Variants in LITAF observed in about 807,000 individuals in gnomAD.
The protein encoded by LITAF is lipopolysaccharide induced TNF factor.
In LITAF, 9 loss-of-function variants were observed where a neutral mutation model predicts 14.5. That is an observed-to-expected ratio of 0.62 (90% CI 0.37 to 1.08). LITAF has a LOEUF of 1.08. Ranked by LOEUF, LITAF falls within the 50% of genes least tolerant of loss-of-function variation. The probability of loss-of-function intolerance (pLI) is 0.01; values close to 1 mark genes in which losing one functional copy is unlikely to be tolerated. For synonymous variants in LITAF, 98 were observed against 88.2 expected (o/e 1.11, Z -0.62); for missense variants, 206 against 213.4 (o/e 0.97, Z 0.22).
At position 11,554,417 on chromosome 16, in the gene LITAF, G is replaced by A. The variant is rs1053932041; in HGVS notation, c.221-728C>T. On this transcript the variant is annotated intron_variant, in intron 2 of 3. Coordinates refer to ENST00000622633, the MANE Select transcript of LITAF (RefSeq NM_001136472.2). ...AAGCTAGTGAACTGTGTTGATACAA[G>A]AAATGAAAATATAAAATAATGCTAG... is the stretch of plus-strand genomic sequence containing the variant. Among the ~76,000 whole-genome samples the A allele has an allele frequency of 3.9e-5, 6 of 152,056 alleles. No individual in the cohort carries two copies. The South Asian group carries it at 1.0e-3, about 26-fold the overall frequency.
At chr16:11,630,007 T>C (rs2065108306) in intron 3 of LITAF, among the ~76,000 whole-genome samples, 1 of 152,180 alleles carries the variant, frequency 6.6e-6, no homozygotes, top group African/African-American at 2.4e-5. Flanking sequence ...TTCGGGTGCC[T>C]TCCTGGACTC....
intron 2 of LITAF, among the ~76,000 whole-genome samples, chr16:11,556,087 T>G (rs1047295172): frequency 6.6e-6 from 1 of 152,136 alleles, no homozygotes; most frequent in African/African-American, 2.4e-5. Flanking sequence ...GCATTGAGGG[T>G]GAGCTGGTAT....
At chr16:11,569,657 T>A (rs1362641618) in intron 1 of LITAF, among the ~76,000 whole-genome samples, 3 of 152,042 alleles carry the variant, frequency 2.0e-5, no homozygotes, top group Non-Finnish European at 4.4e-5. Flanking sequence ...AACACCCAAC[T>A]GTTACTCAGA....
At chr16:11,637,920 C>CTATA, upstream of LITAF, among the ~76,000 whole-genome samples, 1 of 30,092 alleles carries the variant, frequency 3.3e-5, no homozygotes, top group African/African-American at 1.8e-4. Flanking sequence ...ATATCTATAT[C>CTATA]TATATCTATA....
At chr16:11,599,560 T>C (rs545205020), upstream of LITAF, among the ~76,000 whole-genome samples, 1 of 152,164 alleles carries the variant, frequency 6.6e-6, no homozygotes, top group South Asian at 2.1e-4. Context: ...AGCTTCGTGA[T>C]AAGAAAATGG....
At chr16:11,619,038 C>T (rs1364236611) in intron 3 of LITAF, among the ~76,000 whole-genome samples, 1 of 149,104 alleles carries the variant, frequency 6.7e-6, no homozygotes, top group South Asian at 2.1e-4. Context: ...TGCCCGGGCA[C>T]GGTGGCTTAC....
At chr16:11,638,595 G>A (rs2065152239), upstream of LITAF, among the ~76,000 whole-genome samples, 1 of 151,476 alleles carries the variant, frequency 6.6e-6, no homozygotes, top group Admixed American at 6.6e-5. Flanking sequence ...CAGCTACTCA[G>A]GAGGCTGAGG....
rs1053195819 is a variant in LITAF at position 11,632,229 on chromosome 16, G to A, written c.85+1304C>T. Among the ~76,000 whole-genome samples the A allele has an allele frequency of 2.0e-5, 3 of 152,122 alleles. No individual in the cohort carries two copies. The highest frequency in any genetic ancestry group is 4.8e-5 in the African/African-American group (2 of 41,422). ...AAGTGCTGGGAGTTACGTCGTGGAC[G>A]TGTCTTTCGGGGAGGGGTCATTATC... On this transcript the variant is annotated intron_variant, in intron 3 of 3. Transcript: ENST00000574848. This position sits in a 1 kb window ranked among gnomAD's most constrained non-coding sequence, Gnocchi z 4.8.
intron 1 of LITAF, among the ~76,000 whole-genome samples, chr16:11,595,522 G>T (rs1231183247): frequency 6.6e-6 from 1 of 152,152 alleles, no homozygotes. Flanking sequence ...GAGATCAGGA[G>T]ATCGAGACCA....
chr16:11,612,579 CGCT>C (rs2141880144), intron 3 of LITAF, among the ~76,000 whole-genome samples: 1 of 152,320 alleles, frequency 6.6e-6, no homozygotes, highest in South Asian at 2.1e-4. Context: ...CAGCTCAGGA[CGCT>C]CACGTGCACA....
chr16:11,633,307 T>C (rs1161789766), intron 3 of LITAF, among the ~76,000 whole-genome samples: 1 of 152,156 alleles, frequency 6.6e-6, no homozygotes, highest in African/African-American at 2.4e-5. Flanking sequence ...AACCTCTCTG[T>C]GCCTCCCTCA....
upstream of LITAF, among the ~76,000 whole-genome samples, chr16:11,603,099 G>C (rs1224370416): frequency 6.6e-6 from 1 of 152,128 alleles, no homozygotes; most frequent in Non-Finnish European, 1.5e-5. Flanking sequence ...GGGCAATCTA[G>C]AAAATAAAAT....
In LITAF at chr16:11,549,939, C is replaced by T. The variant is rs59139387; in HGVS notation, c.378-194G>A. The T allele has an allele frequency of 3.9e-3, 2,396 of 620,372 alleles. 41 individuals are homozygous for T. The African/African-American group carries it at 0.039, about 10-fold the overall frequency. The allele number at this position is 620,372 out of a possible 1,614,324, so 38.4% of individuals were successfully genotyped here. On this transcript the variant is annotated intron_variant, in intron 3 of 3. Transcript: ENST00000622633. The surrounding 1 kb of genome is among the most constrained non-coding windows in gnomAD (Gnocchi z 4.6). The stretch of plus-strand genomic sequence containing the variant: ...ATGACCTTAGAAGAAGAGGAGAGGA[C>T]ACACAGAGATACAGAGAGGGCAGAA...
intron 1 of LITAF, among the ~76,000 whole-genome samples, chr16:11,572,083 T>G (rs953145899): frequency 2.0e-5 from 3 of 151,934 alleles, no homozygotes; most frequent in Non-Finnish European, 2.9e-5. Flanking sequence ...AGCAAGACCC[T>G]ATCTCAAAAT....
At position 11,634,925 on chromosome 16, in the gene LITAF, T is replaced by A. The variant is rs2141912515; in HGVS notation, c.-21+900A>T. ...GGTGGGCACCTATAATCCCAGCTATTTGGGAGGCTGAGGCAGGAGAATCGA... is the reference window on the plus strand; with the variant it reads ...GGTGGGCACCTATAATCCCAGCTATATGGGAGGCTGAGGCAGGAGAATCGA... On this transcript the variant is annotated intron_variant, in intron 2 of 3. Transcript: ENST00000574848. This position sits in a 1 kb window ranked among gnomAD's most constrained non-coding sequence, Gnocchi z 4.1. 6.6e-6 allele frequency among the ~76,000 whole-genome samples: 1 copy of A among 152,088 alleles called. No individual in the cohort carries two copies. The highest frequency in any genetic ancestry group is 1.5e-5 in the Non-Finnish European group (1 of 67,986).
At chr16:11,569,580 A>C (rs2064509783) in intron 1 of LITAF, among the ~76,000 whole-genome samples, 1 of 152,206 alleles carries the variant, frequency 6.6e-6, no homozygotes, top group Non-Finnish European at 1.5e-5. Context: ...TGTTATTTAC[A>C]AGAGTCACAG....
Position 11,632,238 on chromosome 16 carries a change from G to A in LITAF, c.85+1295C>T, listed in dbSNP as rs146561241. 3.4e-3 allele frequency among the ~76,000 whole-genome samples: 520 copies of A among 152,182 alleles called. 1 individual carries two copies. The highest frequency in any genetic ancestry group is 0.012 in the African/African-American group (489 of 41,538). ...GAGTTACGTCGTGGACGTGTCTTTC[G>A]GGGAGGGGTCATTATCAAGTAACTA... On this transcript the variant is annotated intron_variant, in intron 3 of 3. Coordinates refer to the LITAF transcript ENST00000574848. The surrounding 1 kb of genome is among the most constrained non-coding windows in gnomAD (Gnocchi z 4.8).
At chr16:11,603,978 C>T (rs898879211) in intron 3 of LITAF, among the ~76,000 whole-genome samples, 16 of 152,124 alleles carry the variant, frequency 1.1e-4, no homozygotes, top group Non-Finnish European at 1.9e-4. Context: ...ACCTGGGAGG[C>T]GGAGCTTTCA....
intron 2 of LITAF, among the ~76,000 whole-genome samples, chr16:11,555,470 G>C (rs911200201): frequency 6.6e-6 from 1 of 152,066 alleles, no homozygotes; most frequent in African/African-American, 2.4e-5. Context: ...AGATCAGCCT[G>C]GAAAAACAGT....
Sources: allele counts gnomAD v4.1 joint callset (sites outside exome capture counted in the v4.1 genomes callset), GRCh38; gene constraint gnomAD v4.1.1; non-coding constraint Gnocchi (gnomAD v3.1); transcripts MANE v1.5; gene names NCBI Gene and HGNC (gene_info 2026-07-23, HGNC 2026-07-21).